HTR1D: variants seen among roughly 807,000 people sequenced by gnomAD.
HTR1D encodes 5-HT-1D.
In HTR1D, 18 loss-of-function variants were observed where a neutral mutation model predicts 21.1. The observed-to-expected ratio is 0.85, with a 90% CI of 0.59 to 1.27. The LOEUF is 1.27. Ranked by LOEUF, HTR1D falls within the 50% of genes most tolerant of loss-of-function variation. The probability of loss-of-function intolerance (pLI) is 0.00; values close to 1 mark genes in which losing one functional copy is unlikely to be tolerated. For missense variants in HTR1D, 456 were observed against 481.4 expected (o/e 0.95, Z 0.49); for synonymous variants, 196 against 204.4 (o/e 0.96, Z 0.35).
intron 1 of HTR1D, among the ~76,000 whole-genome samples, 105 bp from the exon 2 acceptor site, chr1:23,195,106 G>A (rs1372663071): frequency 6.6e-6 from 1 of 152,180 alleles, no homozygotes; most frequent in African/African-American, 2.4e-5. Flanking sequence ...AGCTGGCCAT[G>A]GTGCTGTGAA....
chr1:23,196,640 T>C (rs529411449), intron 1 of HTR1D, among the ~76,000 whole-genome samples: 2 of 152,302 alleles, frequency 1.3e-5, no homozygotes, highest in African/African-American at 4.8e-5. Context: ...ACAATATCTT[T>C]TGAAGAGCTC....
At chr1:23,196,972 A>T (rs981704653) in intron 1 of HTR1D, among the ~76,000 whole-genome samples, 1 of 152,036 alleles carries the variant, frequency 6.6e-6, no homozygotes, top group African/African-American at 2.4e-5. Flanking sequence ...ATTTTGGTTC[A>T]TATGGAAAAT....
chr1:23,200,109 A>T (rs1158639667), intron 1 of HTR1D, among the ~76,000 whole-genome samples: 1 of 152,244 alleles, frequency 6.6e-6, no homozygotes. Flanking sequence ...TTTTTAGTGC[A>T]GAAGATCTGC....
At chr1:23,208,274 CA>C (rs1191109640) in intron 1 of HTR1D, among the ~76,000 whole-genome samples, 1 of 151,920 alleles carries the variant, frequency 6.6e-6, no homozygotes, top group Non-Finnish European at 1.5e-5. Flanking sequence ...ACAAAAAATA[CA>C]AAAATTAGCC....
chr1:23,199,591 G>A (rs1644702444), intron 1 of HTR1D, among the ~76,000 whole-genome samples: 2 of 151,948 alleles, frequency 1.3e-5, no homozygotes, highest in African/African-American at 4.8e-5. Flanking sequence ...ACCATGCCCA[G>A]CCTGATGTTG....
Position 23,193,726 on chromosome 1 carries a change from A to C in HTR1D, c.494T>G (p.Ile165Ser). The part of the protein sequence containing the change: ...AATMIAIVWA[I>S]SICISIPPLF... Reference sequence around the variant, plus strand: ...CGGGGGGATGGAGATGCAGATGGAGATGGCCCAGACAATGGCGATCATGGT... The same window carrying C: ...CGGGGGGATGGAGATGCAGATGGAGCTGGCCCAGACAATGGCGATCATGGT... The change falls in exon 2 of 2, where the codon ATC (isoleucine) becomes AGC (serine). Residue 165 changes from isoleucine (I) to serine (S), a missense_variant. By Grantham distance (142) the Ile-to-Ser change is moderately radical (BLOSUM62 -2). Coordinates refer to ENST00000374619, the MANE Select transcript of HTR1D (RefSeq NM_000864.5). The C allele has an allele frequency of 1.9e-6, 3 of 1,614,110 alleles. No individual in the cohort carries two copies. The highest frequency in any genetic ancestry group is 1.7e-4 in the Middle Eastern group (1 of 6,060).
chr1:23,194,356 G>A lies in HTR1D; in HGVS notation c.-137C>T. The A allele has an allele frequency of 2.9e-6, 2 of 680,574 alleles. No individual in the cohort carries two copies. The highest frequency in any genetic ancestry group is 5.2e-6 in the Non-Finnish European group (2 of 387,506). 42.2% of individuals were successfully genotyped at this position (680,574 alleles called of 1,614,324 possible). A position where few individuals can be genotyped will look rare whatever the true frequency, so the allele number is the denominator to read the frequency against. On this transcript the variant is annotated 5_prime_UTR_variant, in exon 2 of 2. Coordinates refer to ENST00000374619, the MANE Select transcript of HTR1D (RefSeq NM_000864.5). ...CACCAGAACAGACCACAGTGAAAAG[G>A]TCTCAAGACCAGACTATTCTCTAAG...
chr1:23,204,943 A>G lies in HTR1D; in HGVS notation c.-782-9942T>C, dbSNP rs1486563113. On this transcript the variant is annotated intron_variant, in intron 1 of 1. Transcript: ENST00000374619. ...CATTATACAAAAAAGATACTTGCAC[A>G]TGCATGTTTATAGCAGCACAATTCG... Among the ~76,000 whole-genome samples the G allele has an allele frequency of 3.3e-5, 5 of 152,356 alleles. No individual in the cohort carries two copies. The East Asian group carries it at 7.7e-4, about 23-fold the overall frequency.
intron 1 of HTR1D, among the ~76,000 whole-genome samples, chr1:23,198,607 C>T (rs918736621): frequency 6.6e-6 from 1 of 152,072 alleles, no homozygotes; most frequent in Non-Finnish European, 1.5e-5. Flanking sequence ...TAAAAACAAC[C>T]AAACGTCCAT....
chr1:23,204,162 G>C (rs1455235706), intron 1 of HTR1D, among the ~76,000 whole-genome samples: 2 of 150,140 alleles, frequency 1.3e-5, no homozygotes, highest in Non-Finnish European at 1.5e-5. Flanking sequence ...GTCTCACTCT[G>C]TCACCCAGGC....
chr1:23,209,540 A>G (rs1644745327), intron 1 of HTR1D, among the ~76,000 whole-genome samples: 1 of 152,056 alleles, frequency 6.6e-6, no homozygotes, highest in Non-Finnish European at 1.5e-5. Flanking sequence ...GAGGGGTCAT[A>G]ATGGCCCCAG....
intron 1 of HTR1D, among the ~76,000 whole-genome samples, chr1:23,212,673 A>T (rs953996174): frequency 1.3e-5 from 2 of 152,170 alleles, no homozygotes; most frequent in African/African-American, 4.8e-5. Context: ...TACTCAAAGA[A>T]TGAATAAAAA....
intron 1 of HTR1D, among the ~76,000 whole-genome samples, chr1:23,205,547 T>TTTCTG (rs1473489662): frequency 6.6e-6 from 1 of 152,166 alleles, no homozygotes. Flanking sequence ...TAAGTGTGTG[T>TTTCTG]TTTTGTTTTG....
Position 23,194,189 on chromosome 1 carries a change from G to C in HTR1D, c.31C>G (p.Leu11Val), listed in dbSNP as rs1261947896. 6.2e-7 allele frequency: 1 copy of C among 1,613,964 alleles called. No homozygotes were observed. ...GATCTGTTGGAGGCCTCCTGGGGAA[G>C]GCCTTCTGCTGACTGGTTCAGTGGG... Reference protein sequence around the residue: MSPLNQSAEGLPQEASNRSLN... With the variant: MSPLNQSAEGVPQEASNRSLN... Residue 11 changes from leucine to valine, a missense_variant, in exon 2 of 2, where the codon CTT becomes GTT. Transcript: ENST00000374619.
rs766858162 is a variant in HTR1D, at chr1:23,193,555, C to T, written c.665G>A (p.Arg222Gln). ...LLIILYGRIYRAARNRILNPP... is the reference protein window; with the variant it reads ...LLIILYGRIYQAARNRILNPP... ...ATTCAGGATGCGGTTCCGGGCAGCC[C>T]GGTAGATCCGGCCATATAGGATGAT... Residue 222 changes from arginine (R) to glutamine (Q), a missense_variant, in exon 2 of 2, where the codon CGG becomes CAG. Coordinates refer to ENST00000374619, the MANE Select transcript of HTR1D (RefSeq NM_000864.5). 16 of 1,613,826 alleles carry T rather than the reference C, an allele frequency of 9.9e-6. No homozygotes were observed. Among genetic ancestry groups the T allele is most frequent in the African/African-American group, 9.3e-5 (7 of 74,906 alleles).
Position 23,193,707 on chromosome 1 carries a change from G to GA in HTR1D, c.512dup (p.Leu174AlafsTer89), listed in dbSNP as rs1557718074. ...TGGCCTGCCGCCAGAAGAGCGGGGG[G>GA]ATGGAGATGCAGATGGAGATGGCCC... On this transcript the variant is annotated frameshift_variant, in exon 2 of 2. Transcript: ENST00000374619. LOFTEE classifies it high-confidence loss of function. 1 of 1,614,072 alleles carries GA rather than the reference G, an allele frequency of 6.2e-7. No homozygotes were observed. The highest frequency in any genetic ancestry group is 8.5e-7 in the Non-Finnish European group (1 of 1,179,996).
intron 1 of HTR1D, among the ~76,000 whole-genome samples, chr1:23,204,967 C>T (rs939895825): frequency 5.9e-5 from 9 of 152,140 alleles, no homozygotes; most frequent in Non-Finnish European, 8.8e-5. Flanking sequence ...CAGCACAATT[C>T]GCAACTGCAA....
At chr1:23,211,939 A>G (rs1344227744) in intron 1 of HTR1D, among the ~76,000 whole-genome samples, 1 of 152,118 alleles carries the variant, frequency 6.6e-6, no homozygotes, top group African/African-American at 2.4e-5. Flanking sequence ...ACCAGATTAC[A>G]GTTGTGAATC....
At chr1:23,210,473 A>G (rs1213825221) in intron 1 of HTR1D, among the ~76,000 whole-genome samples, 7 of 152,294 alleles carry the variant, frequency 4.6e-5, no homozygotes, top group Admixed American at 4.6e-4. Flanking sequence ...TCAGAAGGGT[A>G]TCAGGGTGTC....
Sources: allele counts gnomAD v4.1 joint callset (sites outside exome capture counted in the v4.1 genomes callset), GRCh38; gene constraint gnomAD v4.1.1; transcripts MANE v1.5; gene names NCBI Gene and HGNC (gene_info 2026-07-23, HGNC 2026-07-21).